The following ACSL1 variants were observed in gnomAD, a reference collection of about 807,000 sequenced individuals.
The protein encoded by ACSL1 is acyl-CoA synthetase long chain family member 1, also known as long-chain-fatty-acid--CoA ligase 1.
In ACSL1, 41 loss-of-function variants were observed where a neutral mutation model predicts 98.4. The observed-to-expected ratio is 0.42, with a 90% CI of 0.32 to 0.54. The LOEUF is 0.54. Ranked by LOEUF, ACSL1 falls within the 20% of genes least tolerant of loss-of-function variation. The probability of loss-of-function intolerance (pLI) is 0.13; values close to 1 mark genes in which losing one functional copy is unlikely to be tolerated. For synonymous variants in ACSL1, 316 were observed against 322.7 expected, an observed-to-expected ratio of 0.98 and a Z score of 0.22; for missense variants, 734 against 883.1, an observed-to-expected ratio of 0.83 and a Z score of 2.14.
chr4:184,787,767 G>A lies in ACSL1; in HGVS notation c.310+850C>T, dbSNP rs539204181. ...TAATCCCAGCTACTCAGGAGGCTGA[G>A]GCAGGAGAATCACTTGAACCCAGGA... On this transcript the variant is annotated intron_variant, in intron 3 of 20. Transcript: ENST00000281455. Among the ~76,000 whole-genome samples the A allele has an allele frequency of 4.6e-5, 7 of 152,286 alleles. No homozygotes were observed. In the East Asian group the frequency reaches 1.4e-3, roughly 29 times the overall value.
At chr4:184,764,362 A>C (rs1186666281) in intron 15 of ACSL1, among the ~76,000 whole-genome samples, 1 of 152,228 alleles carries the variant, frequency 6.6e-6, no homozygotes, top group African/African-American at 2.4e-5. Context: ...ACAGATGCTC[A>C]ATTATTTTTG....
At chr4:184,785,925 C>G (rs1165252884) in intron 3 of ACSL1, among the ~76,000 whole-genome samples, 2 of 152,176 alleles carry the variant, frequency 1.3e-5, no homozygotes, top group Admixed American at 6.5e-5. Context: ...CCTGGGAACT[C>G]TGGGTTCCTC....
At chr4:184,759,698 G>A (rs916855568) in intron 18 of ACSL1, among the ~76,000 whole-genome samples, 4 of 152,158 alleles carry the variant, frequency 2.6e-5, no homozygotes, top group African/African-American at 9.7e-5. Flanking sequence ...GTGCTGGAGA[G>A]GATGTGGAGA....
intron 1 of ACSL1, among the ~76,000 whole-genome samples, chr4:184,810,287 C>T (rs1028993997): frequency 7.2e-5 from 11 of 152,276 alleles, no homozygotes; most frequent in South Asian, 4.1e-4. Flanking sequence ...CTGGTAGAGA[C>T]GGTTTCAGGA....
chr4:184,789,585 A>G (rs1342497855), intron 2 of ACSL1, among the ~76,000 whole-genome samples: 1 of 152,374 alleles, frequency 6.6e-6, no homozygotes, highest in East Asian at 1.9e-4. Flanking sequence ...TTTAGGTGCA[A>G]CATTTATAGG....
intron 2 of ACSL1, among the ~76,000 whole-genome samples, chr4:184,789,378 C>G (rs1767959273): frequency 6.6e-6 from 1 of 152,218 alleles, no homozygotes; most frequent in Admixed American, 6.5e-5. Flanking sequence ...CTGTTCAGCT[C>G]TGGTGGAAAT....
intron 3 of ACSL1, among the ~76,000 whole-genome samples, chr4:184,785,197 A>G (rs1767009613): frequency 6.6e-6 from 1 of 152,220 alleles, no homozygotes; most frequent in Admixed American, 6.5e-5. Context: ...CAGGCTTTTT[A>G]CAGAAAACAT....
At position 184,813,718 on chromosome 4, in the gene ACSL1, A is replaced by G. The variant is rs75469725; in HGVS notation, c.-32-10172T>C. ...GAAGACTCTTCACCTTACTGGACTC[A>G]GCTAACCACAAAGTAAGCCCTGAAG... On this transcript the variant is annotated intron_variant, in intron 1 of 20. Transcript: ENST00000281455. 1,245 of 402,966 alleles carry G rather than the reference A, an allele frequency of 3.1e-3. 17 individuals carry two copies. The highest frequency in any genetic ancestry group is 0.023 in the African/African-American group (1,134 of 48,724). 25.0% of individuals were successfully genotyped at this position (402,966 alleles called of 1,614,324 possible).
chr4:184,802,366 G>C (rs188979864), intron 2 of ACSL1, among the ~76,000 whole-genome samples: 181 of 152,320 alleles, frequency 1.2e-3, no homozygotes, highest in Non-Finnish European at 2.2e-3. Flanking sequence ...GTCAGCCCGG[G>C]GGGGTGGGGG....
At chr4:184,760,257 G>A in intron 18 of ACSL1, 100 bp downstream of exon 18, 2 of 1,365,526 alleles carry the variant, frequency 1.5e-6, no homozygotes, top group Non-Finnish European at 2.0e-6. Flanking sequence ...TGAAAGCCAA[G>A]TGATAGGCGT....
At chr4:184,822,955 GT>G (rs1240998187) in intron 1 of ACSL1, among the ~76,000 whole-genome samples, 2 of 152,092 alleles carry the variant, frequency 1.3e-5, no homozygotes, top group African/African-American at 4.8e-5. Flanking sequence ...GCCTTCTCCA[GT>G]TCACTAAGTT....
intron 3 of ACSL1, among the ~76,000 whole-genome samples, chr4:184,786,826 G>C (rs747800610): frequency 6.6e-6 from 1 of 151,696 alleles, no homozygotes; most frequent in Non-Finnish European, 1.5e-5. Flanking sequence ...CCTGAGTAGC[G>C]GGGGTTACAG....
chr4:184,780,170 C>A (rs1016084922), intron 5 of ACSL1, among the ~76,000 whole-genome samples, 162 bp downstream of exon 5: 1 of 151,922 alleles, frequency 6.6e-6, no homozygotes, highest in Non-Finnish European at 1.5e-5. Flanking sequence ...CTGTGCCCAG[C>A]GGCCCTGGTT....
In ACSL1 at chr4:184,766,062, G is replaced by A; in HGVS notation, c.1264-76C>T. The stretch of plus-strand genomic sequence containing the variant: ...GGCGGCCTCTCCGCCAAGGGGGCCT[G>A]CTTGGGACCCCGTTCCCTAACCCAT... On this transcript the variant is annotated intron_variant, in intron 13 of 20. Coordinates refer to ENST00000281455, the MANE Select transcript of ACSL1 (RefSeq NM_001995.5). This position sits in a 1 kb window ranked among gnomAD's most constrained non-coding sequence, Gnocchi z 4.8. 1 of 1,403,856 alleles carries A rather than the reference G, an allele frequency of 7.1e-7. No homozygotes were observed. Among genetic ancestry groups the A allele is most frequent in the Admixed American group, 1.8e-5 (1 of 56,440 alleles). 87.0% of individuals were successfully genotyped at this position (1,403,856 alleles called of 1,614,324 possible). A position where few individuals can be genotyped will look rare whatever the true frequency, so the allele number is the denominator to read the frequency against.
At position 184,825,182 on chromosome 4, in the gene ACSL1, T is replaced by G. The variant is rs1483060564; in HGVS notation, c.-33+734A>C. On this transcript the variant is annotated intron_variant, in intron 1 of 20. Coordinates refer to ENST00000281455, the MANE Select transcript of ACSL1 (RefSeq NM_001995.5). The surrounding 1 kb of genome is among the most constrained non-coding windows in gnomAD (Gnocchi z 4.7). The stretch of plus-strand genomic sequence containing the variant: ...ACAACGCACCGACTGGGGGAACGCC[T>G]GTCCCCAGACTCGAATCCACGTGTC... 7 of 985,378 alleles carry G rather than the reference T, an allele frequency of 7.1e-6. No homozygotes were observed. Among genetic ancestry groups the G allele is most frequent in the Non-Finnish European group, 8.4e-6 (7 of 829,892 alleles). The allele number at this position is 985,378 out of a possible 1,614,324, so 61.0% of individuals were successfully genotyped here.
intron 1 of ACSL1, chr4:184,808,391 T>A (rs1205805589): frequency 1.0e-6 from 1 of 985,328 alleles, no homozygotes; most frequent in Non-Finnish European, 1.2e-6. Context: ...TCAAGATGAA[T>A]AATGGCAGTT....
intron 3 of ACSL1, among the ~76,000 whole-genome samples, chr4:184,787,172 C>T (rs1178041952): frequency 1.3e-5 from 2 of 152,120 alleles, no homozygotes; most frequent in Admixed American, 6.5e-5. Flanking sequence ...TAGACAAGTA[C>T]CTGGTATAAG....
intron 5 of ACSL1, among the ~76,000 whole-genome samples, chr4:184,778,402 T>G (rs1400038548): frequency 6.6e-6 from 1 of 152,184 alleles, no homozygotes; most frequent in Non-Finnish European, 1.5e-5. Context: ...CTTAGGCACA[T>G]GTGACGCATG....
chr4:184,825,394 C>G lies in ACSL1; in HGVS notation c.-33+522G>C, dbSNP rs1773389484. 3.2e-6 allele frequency: 1 copy of G among 310,170 alleles called. No individual in the cohort carries two copies. The highest frequency in any genetic ancestry group is 4.7e-6 in the Non-Finnish European group (1 of 212,868). The allele number at this position is 310,170 out of a possible 1,614,324, so 19.2% of individuals were successfully genotyped here. ...CCTCTGGCAGCGGCCTCTGAGCTGC[C>G]TGTGGGCCTCGTGCCGCCGCGCTGC... On this transcript the variant is annotated intron_variant, in intron 1 of 20. Coordinates refer to ENST00000281455, the MANE Select transcript of ACSL1 (RefSeq NM_001995.5). This position sits in a 1 kb window ranked among gnomAD's most constrained non-coding sequence, Gnocchi z 4.7.
Sources: allele counts gnomAD v4.1 joint callset (sites outside exome capture counted in the v4.1 genomes callset), GRCh38; gene constraint gnomAD v4.1.1; non-coding constraint Gnocchi (gnomAD v3.1); transcripts MANE v1.5; gene names NCBI Gene and HGNC (gene_info 2026-07-23, HGNC 2026-07-21).